The following VIT variants were observed in gnomAD, a reference collection of about 807,000 sequenced individuals.
The protein encoded by VIT is vitrin.
Under a neutral mutation model 78.0 loss-of-function variants are expected in VIT, and 99 were observed. The ratio of observed to expected loss-of-function variants is 1.27; its 90% CI spans 1.08 to 1.50. The LOEUF is 1.50. Among genes scored for constraint, VIT ranks in the 40% most tolerant of loss-of-function variants. The probability of loss-of-function intolerance (pLI) is 0.00; values close to 1 mark genes in which losing one functional copy is unlikely to be tolerated. For synonymous variants in VIT, 374 were observed against 334.3 expected, an observed-to-expected ratio of 1.12 and a Z score of -1.29; for missense variants, 1,126 against 875.3, an observed-to-expected ratio of 1.29 and a Z score of -3.61.
intron 3 of VIT, among the ~76,000 whole-genome samples, chr2:36,735,206 T>TG (rs1211503007): frequency 2.6e-5 from 4 of 151,808 alleles, no homozygotes; most frequent in Non-Finnish European, 5.9e-5. Context: ...TAATCTGGCA[T>TG]GGGGGTCTTA....
At chr2:36,699,626 G>GTAGGTAGATAGATAGATAGATAGATAGA (rs372689790) in intron 1 of VIT, among the ~76,000 whole-genome samples, 11 of 141,978 alleles carry the variant, frequency 7.7e-5, no homozygotes, top group African/African-American at 1.6e-4. Flanking sequence ...AGATATATAG[G>GTAGGTAGATAGATAGATAGATAGATAGA]TAGATAGATA....
At chr2:36,795,932 C>T (rs1219539216) in intron 12 of VIT, among the ~76,000 whole-genome samples, 1 of 152,092 alleles carries the variant, frequency 6.6e-6, no homozygotes, top group East Asian at 1.9e-4. Flanking sequence ...AGTGACAATG[C>T]TATTGGTTGT....
Position 36,808,581 on chromosome 2 carries a change from C to T in VIT, c.1499C>T (p.Ala500Val), listed in dbSNP as rs1476042340. 1 of 1,614,060 alleles carries T rather than the reference C, an allele frequency of 6.2e-7. No homozygotes were observed. Among genetic ancestry groups the T allele is most frequent in the Non-Finnish European group, 8.5e-7 (1 of 1,180,058 alleles). ...CGGGTCTGCGACACTGACCGCCTGG[C>T]CTGCAGCAAGACCTGCTTGAACTCG... ...VKRVCDTDRLACSKTCLNSAD... is the reference protein window; with the variant it reads ...VKRVCDTDRLVCSKTCLNSAD... Residue 500 changes from alanine (A) to valine (V), a missense_variant, in exon 15 of 16, where the codon GCC (alanine) becomes GTC (valine). Transcript: ENST00000379242.
In VIT at chr2:36,809,060, G is replaced by A. The variant is rs189954934; in HGVS notation, c.1903+75G>A. ...TTGGTGGGCCAGTGGGACAAGGAAG[G>A]TATTGTCTTTTTATGCATTGGTTTT... On this transcript the variant is annotated intron_variant, in intron 15 of 15. Coordinates refer to ENST00000379242, the MANE Select transcript of VIT (RefSeq NM_053276.4). 5.1e-4 allele frequency: 762 copies of A among 1,504,502 alleles called. 2 individuals are homozygous for A. The African/African-American group carries it at 9.5e-3, about 19-fold the overall frequency. The allele number at this position is 1,504,502 out of a possible 1,614,324, so 93.2% of individuals were successfully genotyped here.
intron 1 of VIT, among the ~76,000 whole-genome samples, chr2:36,702,030 T>C (rs1004298308): frequency 9.9e-5 from 15 of 151,856 alleles, no homozygotes; most frequent in Non-Finnish European, 2.1e-4. Context: ...CTGTGAAAAA[T>C]GTAAGTAGCA....
intron 12 of VIT, among the ~76,000 whole-genome samples, chr2:36,793,310 C>A (rs1665635969): frequency 6.6e-6 from 1 of 152,104 alleles, no homozygotes; most frequent in African/African-American, 2.4e-5. Context: ...AAAAAAAAAC[C>A]CCACTCACTT....
chr2:36,801,768 T>A (rs1220398091), intron 13 of VIT, among the ~76,000 whole-genome samples: 1 of 141,100 alleles, frequency 7.1e-6, no homozygotes, highest in Non-Finnish European at 1.5e-5. Context: ...AGAGCGAGAC[T>A]CCATCTGAAA....
intron 13 of VIT, among the ~76,000 whole-genome samples, chr2:36,802,104 G>T (rs1666375669): frequency 6.6e-6 from 1 of 152,178 alleles, no homozygotes; most frequent in Admixed American, 6.5e-5. Flanking sequence ...TTTCAAGCTA[G>T]GTCTTCTGTG....
intron 13 of VIT, among the ~76,000 whole-genome samples, chr2:36,802,763 C>T (rs1666422541): frequency 6.6e-6 from 1 of 152,198 alleles, no homozygotes; most frequent in African/African-American, 2.4e-5. Context: ...CAGTGGATGA[C>T]ATGTTCTGAC....
intron 13 of VIT, among the ~76,000 whole-genome samples, chr2:36,801,882 C>T (rs1666358500): frequency 6.6e-6 from 1 of 152,072 alleles, no homozygotes; most frequent in African/African-American, 2.4e-5. Context: ...ACACACTGTA[C>T]AGTCCCAGCA....
chr2:36,723,363 T>C (rs972673560), intron 2 of VIT, among the ~76,000 whole-genome samples: 1 of 152,172 alleles, frequency 6.6e-6, no homozygotes, highest in Admixed American at 6.5e-5. Flanking sequence ...TCAAAGAATA[T>C]AAAAGTTTTT....
intron 3 of VIT, among the ~76,000 whole-genome samples, chr2:36,735,919 G>A (rs991214997): frequency 6.6e-6 from 1 of 152,210 alleles, no homozygotes; most frequent in South Asian, 2.1e-4. Context: ...ACATGAGCCT[G>A]TCTACCTTCT....
At chr2:36,731,518 C>A (rs546062378) in intron 3 of VIT, among the ~76,000 whole-genome samples, 1 of 152,306 alleles carries the variant, frequency 6.6e-6, no homozygotes, top group South Asian at 2.1e-4. Context: ...CATGATCCAC[C>A]TGCCTTGGCC....
chr2:36,813,875 G>A (rs1051879185), intron 15 of VIT, among the ~76,000 whole-genome samples: 2 of 152,034 alleles, frequency 1.3e-5, no homozygotes, highest in Non-Finnish European at 2.9e-5. Context: ...TTCTTACCAT[G>A]TTATTTACTC....
At chr2:36,703,908 G>C (rs1008194691) in intron 1 of VIT, among the ~76,000 whole-genome samples, 46 of 43,346 alleles carry the variant, frequency 1.1e-3, no homozygotes, top group Non-Finnish European at 1.6e-3. Context: ...GTTTGTTTGG[G>C]GTTTTTTTTT....
At chr2:36,714,468 G>A (rs1228891738) in intron 1 of VIT, among the ~76,000 whole-genome samples, 2 of 151,930 alleles carry the variant, frequency 1.3e-5, no homozygotes, top group Non-Finnish European at 2.9e-5. Context: ...TTTTTAACCA[G>A]TACACCACTG....
At chr2:36,736,559 A>T (rs1667520189) in intron 3 of VIT, among the ~76,000 whole-genome samples, 1 of 152,224 alleles carries the variant, frequency 6.6e-6, no homozygotes, top group African/African-American at 2.4e-5. Context: ...CCTTAGTCCA[A>T]AGTGGTGTCA....
intron 9 of VIT, among the ~76,000 whole-genome samples, chr2:36,780,277 G>C (rs1158226131): frequency 6.6e-6 from 1 of 152,194 alleles, no homozygotes; most frequent in Non-Finnish European, 1.5e-5. Context: ...AAGTAATAGA[G>C]CACCCAGCAT....
chr2:36,721,484 T>G (rs1363961625), intron 2 of VIT, among the ~76,000 whole-genome samples: 1 of 152,088 alleles, frequency 6.6e-6, no homozygotes, highest in Non-Finnish European at 1.5e-5. Flanking sequence ...CCCAAATCCT[T>G]ACGCCTTTAC....
Sources: gnomAD v4.1 joint callset for allele counts (sites outside exome capture counted in the v4.1 genomes callset) on GRCh38, gnomAD v4.1.1 for gene constraint, MANE v1.5 for transcripts, NCBI Gene and HGNC (gene_info 2026-07-23, HGNC 2026-07-21) for gene names.